The following EPAS1 variants were observed in gnomAD, a reference collection of about 807,000 sequenced individuals.
EPAS1 encodes endothelial PAS domain-containing protein 1.
Under a neutral mutation model 87.9 loss-of-function variants are expected in EPAS1, and 23 were observed. The ratio of observed to expected loss-of-function variants is 0.26; its 90% CI spans 0.19 to 0.37. The LOEUF (loss-of-function observed/expected upper bound fraction) is 0.37, where lower values mean the gene tolerates loss of function less well. Among genes scored for constraint, EPAS1 ranks in the 10% least tolerant of loss-of-function variants. The pLI is 1.00. For missense variants in EPAS1, 1,138 were observed against 1,120.7 expected (o/e 1.02, Z -0.22); for synonymous variants, 508 against 444.3 (o/e 1.14, Z -1.80).
At chr2:46,357,267 T>C (rs537155826) in intron 4 of EPAS1, among the ~76,000 whole-genome samples, 6 of 152,212 alleles carry the variant, frequency 3.9e-5, no homozygotes, top group Admixed American at 1.3e-4. Context: ...TTGTACTCCA[T>C]GTGATGTCAG....
In EPAS1 at chr2:46,360,717, C is replaced by G. The variant is rs761418476; in HGVS notation, c.534C>G (p.Asn178Lys). 5.6e-6 allele frequency: 9 copies of G among 1,614,056 alleles called. No homozygotes were observed. The South Asian group carries it at 9.9e-5, about 18-fold the overall frequency. The change falls in exon 5 of 16, where the codon AAC becomes AAG. Residue 178 changes from asparagine to lysine, a missense_variant. Transcript: ENST00000263734. This position sits in a 1 kb window ranked among gnomAD's most constrained non-coding sequence, Gnocchi z 4.5. ...TGAGGATGAAGTGCACGGTCACCAA[C>G]AGAGGCCGTACTGTCAACCTCAAGT... is the stretch of plus-strand genomic sequence containing the variant. ...FFMRMKCTVTNRGRTVNLKSA... is the reference protein window; with the variant it reads ...FFMRMKCTVTKRGRTVNLKSA...
In EPAS1 at chr2:46,384,750, C is replaced by T. The variant is rs151042657; in HGVS notation, c.*90C>T. On this transcript the variant is annotated 3_prime_UTR_variant, in exon 16 of 16. Coordinates refer to ENST00000263734, the MANE Select transcript of EPAS1 (RefSeq NM_001430.5). ...TGTTTTTGCAACTAGGTATTTCTAA[C>T]GCCAGCACACTATTTACAAGATGGA... The T allele has an allele frequency of 7.4e-5, 112 of 1,509,794 alleles. No homozygotes were observed. In the East Asian group the frequency reaches 1.9e-3, roughly 25 times the overall value. 93.5% of individuals were successfully genotyped at this position (1,509,794 alleles called of 1,614,324 possible).
Position 46,300,820 on chromosome 2 carries a change from G to A in EPAS1, c.26+2883G>A, listed in dbSNP as rs921402415. Reference sequence around the variant, plus strand: ...CAGTAGTGCTCAGTACAGGGCTAGCGTGGAAGGGGAATTGGAGACACCTGG... The same window carrying A: ...CAGTAGTGCTCAGTACAGGGCTAGCATGGAAGGGGAATTGGAGACACCTGG... On this transcript the variant is annotated intron_variant, in intron 1 of 15. Transcript: ENST00000263734. This position sits in a 1 kb window ranked among gnomAD's most constrained non-coding sequence, Gnocchi z 4.1. 3.3e-5 allele frequency among the ~76,000 whole-genome samples: 5 copies of A among 152,130 alleles called. No individual in the cohort carries two copies. Among genetic ancestry groups the A allele is most frequent in the South Asian group, 4.1e-4 (2 of 4,824 alleles).
chr2:46,310,671 C>G (rs79511790), intron 1 of EPAS1, among the ~76,000 whole-genome samples: 3,340 of 152,310 alleles, frequency 0.022, 60 homozygotes, highest in Non-Finnish European at 0.031. Context: ...AATTTAGAAA[C>G]ACTTAAAGTC....
intron 1 of EPAS1, among the ~76,000 whole-genome samples, chr2:46,343,226 G>A (rs1156952649): frequency 6.6e-6 from 1 of 152,148 alleles, no homozygotes; most frequent in East Asian, 1.9e-4. Flanking sequence ...CTCTGATGCT[G>A]GTTCTTAGTC....
Position 46,381,704 on chromosome 2 carries a change from C to T in EPAS1, c.2154C>T (p.Ala718=). Reference sequence around the variant, plus strand: ...GACAGCTGGAGTATGAAGAGCAAGCCTTCCAGGACCTGAGCGGGGTGAGTC... The same window carrying T: ...GACAGCTGGAGTATGAAGAGCAAGCTTTCCAGGACCTGAGCGGGGTGAGTC... ...LKRQLEYEEQ[A]FQDLSGGDPP... Residue 718 remains alanine (A), a synonymous_variant, in exon 13 of 16, where the codon GCC becomes GCT. Transcript: ENST00000263734. The T allele has an allele frequency of 1.2e-6, 2 of 1,613,970 alleles. No homozygotes were observed. The highest frequency in any genetic ancestry group is 1.7e-6 in the Non-Finnish European group (2 of 1,180,028).
chr2:46,362,348 C>T (rs13412887), intron 6 of EPAS1, among the ~76,000 whole-genome samples: 2 of 152,102 alleles, frequency 1.3e-5, no homozygotes, highest in Admixed American at 1.3e-4. Context: ...AGTCCAGACA[C>T]CACAACACAT....
chr2:46,351,827 G>A (rs1307566939), intron 2 of EPAS1, among the ~76,000 whole-genome samples: 1 of 152,138 alleles, frequency 6.6e-6, no homozygotes, highest in East Asian at 1.9e-4. Context: ...GGGCAGCCTG[G>A]TCTCTGAGAC....
At chr2:46,383,094 G>A (rs1197291298) in intron 15 of EPAS1, among the ~76,000 whole-genome samples, 2 of 152,260 alleles carry the variant, frequency 1.3e-5, no homozygotes, top group African/African-American at 4.8e-5. Context: ...GCTGCGTGGA[G>A]AAGGGAGTGC....
intron 6 of EPAS1, among the ~76,000 whole-genome samples, chr2:46,364,673 T>C (rs921735581): frequency 3.9e-5 from 6 of 152,242 alleles, no homozygotes; most frequent in African/African-American, 7.2e-5. Context: ...GTCACATTTA[T>C]GTACCTATGG....
chr2:46,307,432 A>C (rs1248535965), intron 1 of EPAS1, among the ~76,000 whole-genome samples: 9 of 152,228 alleles, frequency 5.9e-5, no homozygotes, highest in Admixed American at 5.9e-4. Context: ...GCTTCTATAA[A>C]TGTAACCATA....
chr2:46,305,393 ACT>A (rs1406012993), intron 1 of EPAS1, among the ~76,000 whole-genome samples: 4 of 151,892 alleles, frequency 2.6e-5, no homozygotes, highest in African/African-American at 9.7e-5. Flanking sequence ...CGTCAGCAAA[ACT>A]CTTACTAGAT....
intron 1 of EPAS1, among the ~76,000 whole-genome samples, chr2:46,302,338 C>T (rs1414373232): frequency 6.6e-6 from 1 of 152,054 alleles, no homozygotes; most frequent in Non-Finnish European, 1.5e-5. Context: ...TTCAGGAAAT[C>T]TAGTAGTTTT....
At chr2:46,354,220 C>T (rs1435026203) in intron 2 of EPAS1, among the ~76,000 whole-genome samples, 1 of 152,162 alleles carries the variant, frequency 6.6e-6, no homozygotes, top group Non-Finnish European at 1.5e-5. Flanking sequence ...TGTCCCTGGC[C>T]AAGTGGCCCA....
At position 46,378,637 on chromosome 2, in the gene EPAS1, C is replaced by G; in HGVS notation, c.1444-20C>G. The G allele has an allele frequency of 6.2e-7, 1 of 1,605,844 alleles. No homozygotes were observed. Among genetic ancestry groups the G allele is most frequent in the South Asian group, 1.1e-5 (1 of 90,878 alleles). ...CAGTGCCATATCTTTGACTCTGTCC[C>G]CCTCCTTCCTGGCCCCTAGCCCAAT... On this transcript the variant is annotated intron_variant, in intron 10 of 15. Coordinates refer to ENST00000263734, the MANE Select transcript of EPAS1 (RefSeq NM_001430.5).
chr2:46,331,899 G>A lies in EPAS1; in HGVS notation c.27-14974G>A, dbSNP rs191173999. ...ACTTTCAGGCTGTTTTTTTTTCCCC[G>A]GGCTTAAAGTCTTTCTCTGCTGCTG... is the stretch of plus-strand genomic sequence containing the variant. On this transcript the variant is annotated intron_variant, in intron 1 of 15. Coordinates refer to ENST00000263734, the MANE Select transcript of EPAS1 (RefSeq NM_001430.5). Among the ~76,000 whole-genome samples the A allele has an allele frequency of 1.6e-3, 250 of 151,932 alleles. 1 individual carries two copies. Among genetic ancestry groups the A allele is most frequent in the Middle Eastern group, 3.4e-3 (1 of 294 alleles).
chr2:46,337,417 T>G (rs1295844563), intron 1 of EPAS1, among the ~76,000 whole-genome samples: 1 of 151,756 alleles, frequency 6.6e-6, no homozygotes, highest in Admixed American at 6.6e-5. Flanking sequence ...AGGCAGGGAG[T>G]GGGAGGGGCA....
In EPAS1 at chr2:46,371,571, ATGTGACCCCACCTTAGCCTGCCC is replaced by A. The variant is rs1488158250; in HGVS notation, c.886+1639_886+1661del. Among the ~76,000 whole-genome samples, 1 of 152,154 alleles carries A rather than the reference ATGTGACCCCACCTTAGCCTGCCC, an allele frequency of 6.6e-6. No homozygotes were observed. Among genetic ancestry groups the A allele is most frequent in the African/African-American group, 2.4e-5 (1 of 41,440 alleles). On this transcript the variant is annotated intron_variant, in intron 7 of 15. Coordinates refer to ENST00000263734, the MANE Select transcript of EPAS1 (RefSeq NM_001430.5). This position sits in a 1 kb window ranked among gnomAD's most constrained non-coding sequence, Gnocchi z 4.3. ...TGGAGGTACTCTTTTATGCCTGTGA[ATGTGACCCCACCTTAGCCTGCCC>A]AAGCTTTGAAATTGTAACATCTGGT...
intron 1 of EPAS1, among the ~76,000 whole-genome samples, chr2:46,307,669 CCT>C (rs1399639460): frequency 3.3e-5 from 5 of 152,104 alleles, no homozygotes; most frequent in Non-Finnish European, 7.4e-5. Flanking sequence ...TGTGTGGTCC[CCT>C]GACTCTCTGG....
Sources: allele counts gnomAD v4.1 joint callset (sites outside exome capture counted in the v4.1 genomes callset), GRCh38; gene constraint gnomAD v4.1.1; non-coding constraint Gnocchi (gnomAD v3.1); transcripts MANE v1.5; gene names NCBI Gene and HGNC (gene_info 2026-07-23, HGNC 2026-07-21).